The following ALK variants were observed in gnomAD, a reference collection of about 807,000 sequenced individuals.
ALK encodes the protein ALK receptor tyrosine kinase.
In ALK, 74 loss-of-function variants were observed where a neutral mutation model predicts 163.1. That is an observed-to-expected ratio of 0.45 (90% confidence interval 0.38 to 0.55). ALK has a LOEUF of 0.55. Among genes scored for constraint, ALK ranks in the 20% least tolerant of loss-of-function variants. The pLI, the probability that ALK is intolerant of heterozygous loss-of-function variation, is 0.00. For missense variants in ALK, 2,063 were observed against 2,105.3 expected (o/e 0.98, Z 0.39); for synonymous variants, 960 against 843.2 (o/e 1.14, Z -2.40).
chr2:29,709,093 T>C (rs983359184), intron 2 of ALK, among the ~76,000 whole-genome samples: 1 of 152,218 alleles, frequency 6.6e-6, no homozygotes, highest in Non-Finnish European at 1.5e-5. Flanking sequence ...GTGCTCTGTA[T>C]ACAGTATCTC....
chr2:29,575,695 A>G (rs1384089635), intron 3 of ALK, among the ~76,000 whole-genome samples: 2 of 152,210 alleles, frequency 1.3e-5, no homozygotes, highest in Non-Finnish European at 2.9e-5. Context: ...CTGATTTTGC[A>G]GAGAAGCAGT....
At chr2:29,741,863 G>A (rs78998367) in intron 1 of ALK, among the ~76,000 whole-genome samples, 1,745 of 152,328 alleles carry the variant, frequency 0.011, 11 homozygotes, top group Non-Finnish European at 0.018. Context: ...TGGCAGTTAC[G>A]TGACTGGGGT....
At chr2:29,641,898 T>C (rs556988555) in intron 3 of ALK, among the ~76,000 whole-genome samples, 8 of 152,310 alleles carry the variant, frequency 5.3e-5, no homozygotes, top group African/African-American at 1.2e-4. Context: ...CTATCCCTAA[T>C]GGGGGATCAG....
chr2:29,252,963 T>C (rs1444871729), intron 11 of ALK, among the ~76,000 whole-genome samples: 1 of 152,034 alleles, frequency 6.6e-6, no homozygotes, highest in East Asian at 1.9e-4. Flanking sequence ...TAGCTGGGAC[T>C]ACAGACCTAC....
rs1670284 is a variant in ALK, at chr2:29,196,725, G to T, written c.4164+45C>A. On this transcript the variant is annotated intron_variant, in intron 28 of 28. Coordinates refer to ENST00000389048, the MANE Select transcript of ALK (RefSeq NM_004304.5). ...TTCGGTATTTGCCATCTTTAAGACTGTTTCATATAGAGTAAATGTTGACCA... is the reference window on the plus strand; with the variant it reads ...TTCGGTATTTGCCATCTTTAAGACTTTTTCATATAGAGTAAATGTTGACCA... 0.59 allele frequency: 837,829 copies of T among 1,426,078 alleles called. 254,510 individuals are homozygous for T. Among genetic ancestry groups the T allele is most frequent in the Middle Eastern group, 0.66 (3,790 of 5,742 alleles). The allele number at this position is 1,426,078 out of a possible 1,614,324, so 88.3% of individuals were successfully genotyped here. A position where few individuals can be genotyped will look rare whatever the true frequency, so the allele number is the denominator to read the frequency against.
chr2:29,877,535 G>A (rs771811529), intron 1 of ALK, among the ~76,000 whole-genome samples: 5 of 152,112 alleles, frequency 3.3e-5, no homozygotes, highest in African/African-American at 4.8e-5. Flanking sequence ...TATCCCTAGC[G>A]CCTAGACCAT....
In ALK at chr2:29,889,695, C is replaced by CAGAG. The variant is rs869083201; in HGVS notation, c.667+30294_667+30297dup. Among the ~76,000 whole-genome samples the CAGAG allele has an allele frequency of 1.2e-3, 122 of 101,872 alleles. 1 individual carries two copies. The highest frequency in any genetic ancestry group is 3.5e-3 in the South Asian group (9 of 2,540). The allele number at this position is 101,872 out of a possible 152,430, so 66.8% of individuals were successfully genotyped here. ...ATCTGTATCTATATAGATAGATAGA[C>CAGAG]AGAGAGAGAGAGAGAGAGAGAGAGA... On this transcript the variant is annotated intron_variant, in intron 1 of 28. Transcript: ENST00000389048.
chr2:29,344,486 G>A (rs952116591), intron 5 of ALK, among the ~76,000 whole-genome samples: 1 of 152,186 alleles, frequency 6.6e-6, no homozygotes, highest in Non-Finnish European at 1.5e-5. Flanking sequence ...ATGCTAGAGA[G>A]GTCAGGTGTA....
At chr2:29,433,042 AG>A (rs1670311756) in intron 4 of ALK, among the ~76,000 whole-genome samples, 1 of 152,220 alleles carries the variant, frequency 6.6e-6, no homozygotes, top group Non-Finnish European at 1.5e-5. Flanking sequence ...TTAACAAAAA[AG>A]TCCTCTTTAT....
At chr2:29,387,843 G>T (rs1669069409) in intron 4 of ALK, among the ~76,000 whole-genome samples, 1 of 152,178 alleles carries the variant, frequency 6.6e-6, no homozygotes, top group South Asian at 2.1e-4. Context: ...TGAGTTACCT[G>T]CAGACTTAGG....
intron 3 of ALK, among the ~76,000 whole-genome samples, chr2:29,624,866 C>A (rs1199260303): frequency 6.6e-6 from 1 of 152,212 alleles, no homozygotes; most frequent in Non-Finnish European, 1.5e-5. Context: ...CTAATACTTA[C>A]AGGAGGGTGT....
At chr2:29,324,921 C>T (rs1667205054) in intron 6 of ALK, among the ~76,000 whole-genome samples, 1 of 152,082 alleles carries the variant, frequency 6.6e-6, no homozygotes, top group Non-Finnish European at 1.5e-5. Context: ...AAGGGAATGT[C>T]ACCTCCATCT....
intron 4 of ALK, among the ~76,000 whole-genome samples, chr2:29,514,972 TG>T (rs1672623492): frequency 6.6e-6 from 1 of 152,226 alleles, no homozygotes; most frequent in African/African-American, 2.4e-5. Context: ...ATAAGGATTA[TG>T]ATCCTAAATA....
In ALK at chr2:29,193,840, T is replaced by C. The variant is rs1558604110; in HGVS notation, c.4247A>G (p.Lys1416Arg). The change falls in exon 29 of 29, where the codon AAG becomes AGG. Residue 1416 changes from lysine to arginine, a missense_variant. Coordinates refer to ENST00000389048, the MANE Select transcript of ALK (RefSeq NM_004304.5). ...EEEEKVPVRP[K>R]DPEGVPPLLV... Reference sequence around the variant, plus strand: ...GAGAGGAGGAACCCCCTCAGGGTCCTTGGGCCTCACAGGCACTTTCTCTTC... The same window carrying C: ...GAGAGGAGGAACCCCCTCAGGGTCCCTGGGCCTCACAGGCACTTTCTCTTC... The C allele has an allele frequency of 6.2e-7, 1 of 1,612,644 alleles. No homozygotes were observed. Among genetic ancestry groups the C allele is most frequent in the East Asian group, 2.2e-5 (1 of 44,868 alleles).
chr2:29,440,287 G>T (rs534305858), intron 4 of ALK, among the ~76,000 whole-genome samples: 4 of 149,596 alleles, frequency 2.7e-5, no homozygotes, highest in Non-Finnish European at 4.4e-5. Flanking sequence ...TGATTGATAT[G>T]CCCATGTTAC....
At chr2:29,379,879 G>A (rs1335148571) in intron 5 of ALK, among the ~76,000 whole-genome samples, 1 of 152,210 alleles carries the variant, frequency 6.6e-6, no homozygotes, top group African/African-American at 2.4e-5. Context: ...GACAGCAACA[G>A]TAGTATTGTG....
intron 1 of ALK, among the ~76,000 whole-genome samples, chr2:29,836,186 G>T (rs914665373): frequency 1.2e-4 from 19 of 152,128 alleles, no homozygotes; most frequent in African/African-American, 4.1e-4. Flanking sequence ...TCACTTCAGG[G>T]TCTGCTTCTG....
chr2:29,491,946 G>A (rs1176792144), intron 4 of ALK, among the ~76,000 whole-genome samples: 1 of 152,196 alleles, frequency 6.6e-6, no homozygotes, highest in Non-Finnish European at 1.5e-5. Context: ...TTACCTTAAA[G>A]TGAATTGGAT....
At chr2:29,277,860 T>A (rs1475436787) in intron 9 of ALK, among the ~76,000 whole-genome samples, 1 of 152,242 alleles carries the variant, frequency 6.6e-6, no homozygotes, top group East Asian at 1.9e-4. Context: ...CCAACCTTGA[T>A]ACACACCTAT....
Sources: gnomAD v4.1 joint callset for allele counts (sites outside exome capture counted in the v4.1 genomes callset) on GRCh38, gnomAD v4.1.1 for gene constraint, MANE v1.5 for transcripts, NCBI Gene and HGNC (gene_info 2026-07-23, HGNC 2026-07-21) for gene names.